The following EFL1 variants were observed in gnomAD, a reference collection of about 807,000 sequenced individuals.
The protein encoded by EFL1 is elongation factor-like GTPase 1.
In EFL1, 76 loss-of-function variants were observed where a neutral mutation model predicts 126.7. The observed-to-expected ratio is 0.60, with a 90% CI of 0.50 to 0.73. EFL1 has a LOEUF of 0.73. Ranked by LOEUF, EFL1 falls within the 30% of genes least tolerant of loss-of-function variation. EFL1 has a pLI of 0.00. For synonymous variants in EFL1, 410 were observed against 448.4 expected (o/e 0.91, Z 1.08); for missense variants, 1,128 against 1,343.2 (o/e 0.84, Z 2.50).
At chr15:82,249,473 C>T (rs529072380) in intron 4 of EFL1, among the ~76,000 whole-genome samples, 2 of 152,052 alleles carry the variant, frequency 1.3e-5, no homozygotes, top group South Asian at 4.2e-4. Flanking sequence ...AATGGCTATA[C>T]AGTAGAAACG....
chr15:82,211,584 GACACATACTAGACACA>G (rs2074589416), intron 15 of EFL1, among the ~76,000 whole-genome samples: 1 of 49,396 alleles, frequency 2.0e-5, no homozygotes, highest in Non-Finnish European at 3.7e-5. Context: ...ACACACACTA[GACACATACTAGACACA>G]CACACACACA....
chr15:82,181,787 A>T (rs1001923709), intron 15 of EFL1, among the ~76,000 whole-genome samples: 2 of 152,098 alleles, frequency 1.3e-5, no homozygotes, highest in Non-Finnish European at 2.9e-5. Context: ...CACGTTCCTT[A>T]TTATAACACC....
intron 15 of EFL1, among the ~76,000 whole-genome samples, chr15:82,164,230 C>T (rs914000681): frequency 2.6e-5 from 4 of 151,880 alleles, no homozygotes; most frequent in African/African-American, 7.3e-5. Flanking sequence ...TCAGATTGGG[C>T]TAATGCATAG....
intron 15 of EFL1, among the ~76,000 whole-genome samples, chr15:82,178,507 T>G (rs1042509469): frequency 1.3e-5 from 2 of 152,184 alleles, no homozygotes; most frequent in African/African-American, 2.4e-5. Context: ...AAAAAGGCAT[T>G]GTGGTGACCC....
At chr15:82,186,425 T>C (rs1262361046) in intron 15 of EFL1, among the ~76,000 whole-genome samples, 1 of 152,170 alleles carries the variant, frequency 6.6e-6, no homozygotes, top group Admixed American at 6.5e-5. Context: ...CTCTTAACCA[T>C]AGAAAACGGC....
chr15:82,161,266 T>C (rs1185620169), intron 16 of EFL1, among the ~76,000 whole-genome samples: 1 of 152,148 alleles, frequency 6.6e-6, no homozygotes, highest in African/African-American at 2.4e-5. Context: ...AGAGGCAGTA[T>C]TACTGCAAAG....
In EFL1 at chr15:82,157,687, CTCCATCGCTATCATTTT is replaced by C; in HGVS notation, c.2030+9_2030+25del. 6.3e-7 allele frequency: 1 copy of C among 1,598,532 alleles called. No homozygotes were observed. Among genetic ancestry groups the C allele is most frequent in the Non-Finnish European group, 8.6e-7 (1 of 1,169,290 alleles). ...TCCCATTGATTGAGAGCTATCATTT[CTCCATCGCTATCATTTT>C]CACCTAACCTTTCTTTTAAGTCATC... On this transcript the variant is annotated intron_variant, in intron 17 of 19. Transcript: ENST00000268206.
chr15:82,237,410 T>G (rs973418696), intron 7 of EFL1, among the ~76,000 whole-genome samples: 1 of 152,130 alleles, frequency 6.6e-6, no homozygotes, highest in Admixed American at 6.5e-5. Context: ...TGAAAAGATG[T>G]TCAAGGTAAA....
At position 82,231,011 on chromosome 15, in the gene EFL1, A is replaced by G. The variant is rs371429852; in HGVS notation, c.732-40T>C. 15 of 1,599,742 alleles carry G rather than the reference A, an allele frequency of 9.4e-6. No homozygotes were observed. The African/African-American group carries it at 1.5e-4, about 16-fold the overall frequency. ...AATGTTCATGTTATTAATAACAACGATTATTGATTTCTGTGACAGGTACTG... is the reference window on the plus strand; with the variant it reads ...AATGTTCATGTTATTAATAACAACGGTTATTGATTTCTGTGACAGGTACTG... On this transcript the variant is annotated intron_variant, in intron 7 of 19. Transcript: ENST00000268206.
At chr15:82,171,972 C>T (rs1567049387) in intron 15 of EFL1, among the ~76,000 whole-genome samples, 1 of 151,054 alleles carries the variant, frequency 6.6e-6, no homozygotes, top group Non-Finnish European at 1.5e-5. Flanking sequence ...TATATGTAAA[C>T]AACTAGTACA....
chr15:82,229,192 C>T, intron 8 of EFL1, 82 bp from the exon 9 acceptor site: 1 of 1,026,592 alleles, frequency 9.7e-7, no homozygotes, highest in Non-Finnish European at 1.4e-6. Context: ...CTTTTATTAT[C>T]AATATGTTTC....
At chr15:82,164,935 A>C (rs2141243924) in intron 15 of EFL1, among the ~76,000 whole-genome samples, 1 of 151,782 alleles carries the variant, frequency 6.6e-6, no homozygotes, top group African/African-American at 2.4e-5. Flanking sequence ...GGCATATTGA[A>C]TCTCACACCC....
intron 15 of EFL1, among the ~76,000 whole-genome samples, chr15:82,205,740 T>C (rs1326277293): frequency 6.6e-6 from 1 of 152,254 alleles, no homozygotes; most frequent in Non-Finnish European, 1.5e-5. Context: ...TCTTTGAAGA[T>C]GGAGGGGAAG....
chr15:82,235,708 G>C (rs1316744201), intron 7 of EFL1, among the ~76,000 whole-genome samples: 1 of 152,038 alleles, frequency 6.6e-6, no homozygotes, highest in African/African-American at 2.4e-5. Context: ...ACTTGATAAA[G>C]GACATCTAAA....
chr15:82,228,274 G>A lies in EFL1; in HGVS notation c.986C>T (p.Ala329Val). 1.2e-6 allele frequency: 2 copies of A among 1,614,046 alleles called. No homozygotes were observed. Among genetic ancestry groups the A allele is most frequent in the Non-Finnish European group, 1.7e-6 (2 of 1,179,984 alleles). Residue 329 changes from alanine to valine, a missense_variant, in exon 10 of 20, where the codon GCC becomes GTC. Ala to Val is a moderately conservative substitution (Grantham distance 64, BLOSUM62 0). Coordinates refer to ENST00000268206, the MANE Select transcript of EFL1 (RefSeq NM_024580.6). ...IVTSLGLKIGAREARHSDPKV... is the reference protein window; with the variant it reads ...IVTSLGLKIGVREARHSDPKV... ...AGGGTCTGAATGTCGTGCCTCCCGG[G>A]CTCCAATTTTTAATCCTAAAGAAGT... is the stretch of plus-strand genomic sequence containing the variant.
At position 82,227,592 on chromosome 15, in the gene EFL1, A is replaced by G; in HGVS notation, c.1070-20T>C. 6.2e-7 allele frequency: 1 copy of G among 1,613,980 alleles called. No homozygotes were observed. The highest frequency in any genetic ancestry group is 8.5e-7 in the Non-Finnish European group (1 of 1,179,896). ...CCATAGCTGAAGTCTATTGTTAAGG[A>G]CTGAAAACCTTGAGCCAGTGCCTCC... On this transcript the variant is annotated intron_variant, in intron 10 of 19. Coordinates refer to ENST00000268206, the MANE Select transcript of EFL1 (RefSeq NM_024580.6).
rs1314609602 is a variant in EFL1 at position 82,227,451 on chromosome 15, T to G, written c.1191A>C (p.Ala397=). Residue 397 remains alanine (A), a splice_region_variant and synonymous_variant, in exon 11 of 20, where the codon GCA becomes GCC. Transcript: ENST00000268206. The stretch of plus-strand genomic sequence containing the variant: ...TCCAACAGGTCCATCTTTCCTCACC[T>G]GCTTTCAGTGCTTGAGTTTCTGGTG... The part of the protein sequence containing the change: ...SFPPETQALK[A]AFMKCGSEDT... 1 of 1,614,046 alleles carries G rather than the reference T, an allele frequency of 6.2e-7. No individual in the cohort carries two copies. Among genetic ancestry groups the G allele is most frequent in the East Asian group, 2.2e-5 (1 of 44,886 alleles).
Position 82,219,749 on chromosome 15 carries a change from A to C in EFL1, c.1514T>G (p.Phe505Cys). The change falls in exon 14 of 20, where the codon TTT becomes TGT. Residue 505 changes from phenylalanine (F) to cysteine (C), a missense_variant. Physicochemically the swap from Phe to Cys is radical, Grantham distance 205 (BLOSUM62 -2). Coordinates refer to ENST00000268206, the MANE Select transcript of EFL1 (RefSeq NM_024580.6). ...ACTGAACACCCGAGCAAATGCAATA[A>C]AAGACTCTTGGTTGTTTTCTTCCTG... ...VLQEENNQES[F>C]IAFARVFSGV... 6.2e-7 allele frequency: 1 copy of C among 1,614,082 alleles called. No homozygotes were observed. The highest frequency in any genetic ancestry group is 8.5e-7 in the Non-Finnish European group (1 of 1,179,960).
chr15:82,181,622 A>ATGTGTATGTGTGTGTG (rs1555427107), intron 15 of EFL1, among the ~76,000 whole-genome samples: 1 of 149,374 alleles, frequency 6.7e-6, no homozygotes, highest in Non-Finnish European at 1.5e-5. Flanking sequence ...ATGTGTGTGC[A>ATGTGTATGTGTGTGTG]TGTGTGTGTG....
Sources: allele counts gnomAD v4.1 joint callset (sites outside exome capture counted in the v4.1 genomes callset), GRCh38; gene constraint gnomAD v4.1.1; transcripts MANE v1.5; gene names NCBI Gene and HGNC (gene_info 2026-07-23, HGNC 2026-07-21).